Variants in NRXN1 observed in about 807,000 individuals in gnomAD.
NRXN1 encodes neurexin-1.
In NRXN1, 39 loss-of-function variants were observed where a neutral mutation model predicts 150.9. The ratio of observed to expected loss-of-function variants is 0.26; its 90% CI spans 0.20 to 0.34. The LOEUF is 0.34. Among genes scored for constraint, NRXN1 ranks in the 10% least tolerant of loss-of-function variants. The pLI is 1.00. For synonymous variants in NRXN1, 924 were observed against 757.0 expected, an observed-to-expected ratio of 1.22 and a Z score of -3.62; for missense variants, 1,815 against 1,949.9, an observed-to-expected ratio of 0.93 and a Z score of 1.30.
intron 21 of NRXN1, among the ~76,000 whole-genome samples, chr2:50,005,906 T>G (rs191370138): frequency 2.6e-5 from 4 of 152,148 alleles, no homozygotes; most frequent in African/African-American, 9.7e-5. Flanking sequence ...CACAGTTAGA[T>G]CTATTAATTT....
At chr2:50,754,413 C>T (rs1036557033) in intron 5 of NRXN1, among the ~76,000 whole-genome samples, 5 of 151,646 alleles carry the variant, frequency 3.3e-5, no homozygotes, top group Non-Finnish European at 7.4e-5. Flanking sequence ...TCCATTTTTT[C>T]CAAACAATTG....
chr2:50,899,307 A>G (rs141702686), intron 5 of NRXN1, among the ~76,000 whole-genome samples: 2,614 of 152,306 alleles, frequency 0.017, 38 homozygotes, highest in Admixed American at 0.043. Flanking sequence ...TGAAAACGTT[A>G]TCAGATAAAA....
At chr2:50,278,305 T>TATATATATATATTATATATA (rs2070913080) in intron 17 of NRXN1, among the ~76,000 whole-genome samples, 2 of 78,654 alleles carry the variant, frequency 2.5e-5, no homozygotes, top group African/African-American at 1.0e-4. Context: ...TAATATATAT[T>TATATATATATATTATATATA]TTATATATAT....
chr2:50,556,441 G>C (rs961207405), intron 8 of NRXN1, among the ~76,000 whole-genome samples: 1 of 150,612 alleles, frequency 6.6e-6, no homozygotes, highest in Non-Finnish European at 1.5e-5. Context: ...CATAACAATT[G>C]ATGATATTTG....
chr2:49,995,779 T>C (rs1490630370), intron 21 of NRXN1, among the ~76,000 whole-genome samples: 2 of 13,024 alleles, frequency 1.5e-4, no homozygotes, highest in Non-Finnish European at 3.3e-4. Flanking sequence ...AGACTCCGTC[T>C]CAAAAAAAAA....
chr2:50,516,842 TA>T (rs2092645989), intron 12 of NRXN1, among the ~76,000 whole-genome samples: 1 of 152,172 alleles, frequency 6.6e-6, no homozygotes, highest in African/African-American at 2.4e-5. Flanking sequence ...TCATCCCAGT[TA>T]AAAAGTACTT....
At chr2:50,505,533 G>A (rs1328021639) in intron 13 of NRXN1, among the ~76,000 whole-genome samples, 2 of 152,268 alleles carry the variant, frequency 1.3e-5, no homozygotes, top group African/African-American at 2.4e-5. Context: ...AACTGTGGAT[G>A]CTGATCTAAG....
intron 5 of NRXN1, among the ~76,000 whole-genome samples, chr2:50,640,091 T>C (rs924631092): frequency 1.3e-5 from 2 of 152,174 alleles, no homozygotes; most frequent in African/African-American, 4.8e-5. Flanking sequence ...TATTCATAAG[T>C]TGTCAAATTA....
chr2:50,265,987 TTA>T (rs1558408554), intron 17 of NRXN1, among the ~76,000 whole-genome samples: 3 of 94,006 alleles, frequency 3.2e-5, no homozygotes, highest in African/African-American at 1.6e-4. Flanking sequence ...ATTATTATTA[TTA>T]TTATTATTAT....
chr2:50,199,537 T>C (rs1574456996), intron 18 of NRXN1, among the ~76,000 whole-genome samples: 2 of 149,442 alleles, frequency 1.3e-5, no homozygotes, highest in East Asian at 2.0e-4. Flanking sequence ...CTCTTTCTTA[T>C]ACACACACAC....
intron 18 of NRXN1, among the ~76,000 whole-genome samples, chr2:50,135,526 C>T (rs1706263831): frequency 6.6e-6 from 1 of 152,024 alleles, no homozygotes; most frequent in African/African-American, 2.4e-5. Flanking sequence ...CCCATCTCTA[C>T]TAAAAATACA....
chr2:50,632,446 T>A (rs930450592), intron 5 of NRXN1: 4 of 151,950 alleles, frequency 2.6e-5, no homozygotes, highest in African/African-American at 4.8e-5. Flanking sequence ...AAAATAATGA[T>A]CTCTATACCT....
intron 17 of NRXN1, among the ~76,000 whole-genome samples, chr2:50,310,188 C>T (rs1423631432): frequency 6.6e-6 from 1 of 152,176 alleles, no homozygotes; most frequent in Non-Finnish European, 1.5e-5. Context: ...GCTTACACTG[C>T]TCATAGATTA....
At chr2:50,517,943 A>G (rs1450008872) in intron 12 of NRXN1, among the ~76,000 whole-genome samples, 1 of 152,144 alleles carries the variant, frequency 6.6e-6, no homozygotes, top group Non-Finnish European at 1.5e-5. Flanking sequence ...CTCCTGCTCT[A>G]TTTCTTCTGG....
chr2:50,569,430 A>AAAAATT (rs1308144842), intron 8 of NRXN1, among the ~76,000 whole-genome samples: 4 of 152,128 alleles, frequency 2.6e-5, no homozygotes, highest in African/African-American at 9.7e-5. Context: ...ATGTACTCAG[A>AAAAATT]AAAATTAAAA....
chr2:50,833,271 C>T (rs1011126225), intron 5 of NRXN1, among the ~76,000 whole-genome samples: 38 of 152,126 alleles, frequency 2.5e-4, no homozygotes, highest in African/African-American at 8.9e-4. Context: ...AACAGTTTGG[C>T]AGTATCCTAT....
At chr2:50,407,737 G>T (rs2082856676) in intron 17 of NRXN1, among the ~76,000 whole-genome samples, 1 of 152,032 alleles carries the variant, frequency 6.6e-6, no homozygotes, top group Non-Finnish European at 1.5e-5. Context: ...GGACTCTGTA[G>T]AGAGACCTCC....
chr2:50,411,893 A>C (rs1489308088), intron 17 of NRXN1, among the ~76,000 whole-genome samples: 2 of 152,238 alleles, frequency 1.3e-5, no homozygotes, highest in Non-Finnish European at 2.9e-5. Context: ...TGTGGGGAAA[A>C]GAAAGAGAGA....
intron 2 of NRXN1, among the ~76,000 whole-genome samples, chr2:50,983,932 G>A (rs915798789): frequency 1.3e-5 from 2 of 151,604 alleles, no homozygotes; most frequent in African/African-American, 4.8e-5. Flanking sequence ...AAAAGCTAGA[G>A]CAAACATTCA....
Sources: gnomAD v4.1 joint callset for allele counts (sites outside exome capture counted in the v4.1 genomes callset) on GRCh38, gnomAD v4.1.1 for gene constraint, MANE v1.5 for transcripts, NCBI Gene and HGNC (gene_info 2026-07-23, HGNC 2026-07-21) for gene names.